The following ADAMTS19 variants were observed in gnomAD, a reference collection of about 807,000 sequenced individuals.
The protein encoded by ADAMTS19 is A disintegrin and metalloproteinase with thrombospondin motifs 19.
ADAMTS19 carries 93 observed loss-of-function variants against 153.3 expected under a neutral mutation model. The ratio of observed to expected loss-of-function variants is 0.61; its 90% CI spans 0.51 to 0.72. ADAMTS19 has a LOEUF of 0.72. Among genes scored for constraint, ADAMTS19 ranks in the 30% least tolerant of loss-of-function variants. The pLI, the probability that ADAMTS19 is intolerant of heterozygous loss-of-function variation, is 0.00. For synonymous variants in ADAMTS19, 600 were observed against 556.6 expected (o/e 1.08, Z -1.10); for missense variants, 1,482 against 1,552.1 (o/e 0.95, Z 0.76).
intron 3 of ADAMTS19, among the ~76,000 whole-genome samples, chr5:129,515,046 A>G (rs1380643045): frequency 1.3e-5 from 2 of 151,986 alleles, no homozygotes; most frequent in Non-Finnish European, 1.5e-5. Context: ...CAACAAGACT[A>G]TCTTTTCCCC....
intron 7 of ADAMTS19, among the ~76,000 whole-genome samples, chr5:129,556,808 T>C (rs1350844733): frequency 6.6e-6 from 1 of 152,268 alleles, no homozygotes; most frequent in East Asian, 1.9e-4. Context: ...TTCTAGAACA[T>C]GCAAAAACAA....
At chr5:129,581,219 C>T (rs1749499650) in intron 7 of ADAMTS19, among the ~76,000 whole-genome samples, 1 of 151,552 alleles carries the variant, frequency 6.6e-6, no homozygotes, top group Non-Finnish European at 1.5e-5. Context: ...AGTTTATTTG[C>T]ATTGAGGTAT....
chr5:129,500,894 AAC>A (rs1581011941), intron 2 of ADAMTS19, among the ~76,000 whole-genome samples: 4 of 152,300 alleles, frequency 2.6e-5, no homozygotes, highest in Middle Eastern at 3.4e-3. Context: ...GCAATTAAAA[AAC>A]ACACAAAGAT....
At chr5:129,529,292 A>T (rs928577304) in intron 6 of ADAMTS19, among the ~76,000 whole-genome samples, 1 of 152,194 alleles carries the variant, frequency 6.6e-6, no homozygotes, top group Admixed American at 6.6e-5. Flanking sequence ...ATTCATTGTG[A>T]ACTAGCAATT....
At chr5:129,711,524 A>C (rs1756467764) in intron 21 of ADAMTS19, among the ~76,000 whole-genome samples, 1 of 152,232 alleles carries the variant, frequency 6.6e-6, no homozygotes, top group South Asian at 2.1e-4. Context: ...AAATACAAAA[A>C]AAATTAGCCG....
chr5:129,544,417 A>C (rs1343548150), intron 6 of ADAMTS19, among the ~76,000 whole-genome samples: 1 of 152,176 alleles, frequency 6.6e-6, no homozygotes, highest in Non-Finnish European at 1.5e-5. Context: ...ATTTAGACCT[A>C]ATGCTAACAA....
intron 16 of ADAMTS19, among the ~76,000 whole-genome samples, chr5:129,672,875 T>TTA (rs1429291286): frequency 1.3e-5 from 2 of 151,906 alleles, no homozygotes; most frequent in Non-Finnish European, 2.9e-5. Flanking sequence ...TATATATGTT[T>TTA]TATATATATA....
intron 21 of ADAMTS19, among the ~76,000 whole-genome samples, chr5:129,709,342 A>G (rs1428136650): frequency 6.6e-6 from 1 of 152,088 alleles, no homozygotes; most frequent in Admixed American, 6.6e-5. Context: ...AAAAAAATAT[A>G]TTGACTACTT....
chr5:129,500,132 T>C (rs1346141993), intron 2 of ADAMTS19, among the ~76,000 whole-genome samples: 1 of 152,116 alleles, frequency 6.6e-6, no homozygotes, highest in Non-Finnish European at 1.5e-5. Context: ...AAAATTCACA[T>C]AAAGTTAAAA....
chr5:129,585,376 T>G (rs956974880), intron 7 of ADAMTS19, among the ~76,000 whole-genome samples: 2 of 152,004 alleles, frequency 1.3e-5, no homozygotes, highest in African/African-American at 4.8e-5. Context: ...GTCTTTTTCT[T>G]TCTAATATAT....
intron 8 of ADAMTS19, among the ~76,000 whole-genome samples, chr5:129,609,949 T>C (rs1751115058): frequency 6.6e-6 from 1 of 152,158 alleles, no homozygotes; most frequent in Admixed American, 6.6e-5. Flanking sequence ...TCTCTAATTG[T>C]AGCATATTTG....
At chr5:129,668,477 C>G (rs115792140) in intron 16 of ADAMTS19, among the ~76,000 whole-genome samples, 1 of 152,136 alleles carries the variant, frequency 6.6e-6, no homozygotes, top group African/African-American at 2.4e-5. Context: ...TCCTGATTTA[C>G]AGATGGCATC....
chr5:129,607,958 C>T (rs1469411970), intron 8 of ADAMTS19, among the ~76,000 whole-genome samples: 2 of 143,082 alleles, frequency 1.4e-5, no homozygotes, highest in Non-Finnish European at 3.0e-5. Context: ...TATATATATA[C>T]ACACACATAT....
intron 8 of ADAMTS19, among the ~76,000 whole-genome samples, chr5:129,600,842 A>G (rs1750610777): frequency 7.1e-6 from 1 of 140,496 alleles, no homozygotes; most frequent in South Asian, 2.4e-4. Flanking sequence ...TGCTTCCTAA[A>G]CAATAAGTAG....
At chr5:129,690,194 G>C (rs1353376030) in intron 18 of ADAMTS19, among the ~76,000 whole-genome samples, 1 of 152,182 alleles carries the variant, frequency 6.6e-6, no homozygotes, top group Non-Finnish European at 1.5e-5. Context: ...GTGGAAGTCA[G>C]ATAATAATAA....
Position 129,680,779 on chromosome 5 carries a change from A to C in ADAMTS19, c.2664+858A>C, listed in dbSNP as rs1217829749. On this transcript the variant is annotated intron_variant, in intron 17 of 22. Coordinates refer to ENST00000274487, the MANE Select transcript of ADAMTS19 (RefSeq NM_133638.6). ...TCTGTCTCAAAAAAAAAAAAAACAA[A>C]AAAAAAAACTGGATATAAGTGGGTT... is the stretch of plus-strand genomic sequence containing the variant. Among the ~76,000 whole-genome samples the C allele has an allele frequency of 4.6e-5, 7 of 151,458 alleles. No individual in the cohort carries two copies. The South Asian group carries it at 1.0e-3, about 23-fold the overall frequency.
At chr5:129,535,283 C>G (rs1752373461) in intron 6 of ADAMTS19, among the ~76,000 whole-genome samples, 1 of 151,530 alleles carries the variant, frequency 6.6e-6, no homozygotes, top group Non-Finnish European at 1.5e-5. Flanking sequence ...GACAAACAGC[C>G]AAATCATGAG....
At chr5:129,731,158 C>T (rs1004851222) in intron 21 of ADAMTS19, among the ~76,000 whole-genome samples, 15 of 151,948 alleles carry the variant, frequency 9.9e-5, no homozygotes, top group African/African-American at 3.1e-4. Context: ...GGGGTTTCGC[C>T]ATGTTGGACA....
chr5:129,665,674 G>A (rs1185069593), intron 16 of ADAMTS19, 95 bp downstream of exon 16: 1 of 1,005,690 alleles, frequency 9.9e-7, no homozygotes, highest in Non-Finnish European at 1.4e-6. Context: ...TCTGTTTCTA[G>A]TTTTATGTTT....
Sources: gnomAD v4.1 joint callset for allele counts (sites outside exome capture counted in the v4.1 genomes callset) on GRCh38, gnomAD v4.1.1 for gene constraint, MANE v1.5 for transcripts, NCBI Gene and HGNC (gene_info 2026-07-23, HGNC 2026-07-21) for gene names.